DMD: variants seen among roughly 807,000 people sequenced by gnomAD.
DMD encodes dystrophin.
DMD carries 63 observed loss-of-function variants against 330.1 expected under a neutral mutation model. That is an observed-to-expected ratio of 0.19 (90% CI 0.16 to 0.24). DMD has a LOEUF of 0.24. Among genes scored for constraint, DMD ranks in the 10% least tolerant of loss-of-function variants. The probability of loss-of-function intolerance (pLI) is 1.00; values close to 1 mark genes in which losing one functional copy is unlikely to be tolerated. For missense variants in DMD, 3,344 were observed against 2,684.1 expected (o/e 1.25, Z -5.43); for synonymous variants, 1,223 against 959.8 (o/e 1.27, Z -5.07).
At chrX:31,187,743 GAGAGAGAGAGAGAGAGAGAGAGAGAGAGA>G in intron 67 of DMD, among the ~76,000 whole-genome samples, 1 of 29,329 alleles carries the variant, frequency 3.4e-5, no homozygotes, top group Admixed American at 3.1e-4. Context: ...GAGAGAGAGA[GAGAGAGAGAGAGAGAGAGAGAGAGAGAGA>G]GAGAGAGAGA....
intron 7 of DMD, among the ~76,000 whole-genome samples, chrX:32,783,929 T>C (rs146667164): frequency 0.01 from 1,102 of 107,180 alleles, 9 homozygotes; most frequent in East Asian, 0.052. Context: ...ACTTAAAAGA[T>C]AGATTTATTA....
intron 18 of DMD, among the ~76,000 whole-genome samples, chrX:32,508,368 A>T (rs2044857775): frequency 8.9e-6 from 1 of 111,771 alleles, no homozygotes; most frequent in Admixed American, 9.5e-5. Flanking sequence ...TGAGACAGTG[A>T]AGAGCCCAGA....
At chrX:32,885,779 A>C (rs2084467477) in intron 2 of DMD, among the ~76,000 whole-genome samples, 1 of 107,879 alleles carries the variant, frequency 9.3e-6, no homozygotes, top group Non-Finnish European at 1.9e-5. Context: ...ATATTTCAAT[A>C]AAATATTAAA....
At chrX:32,208,134 A>C (rs2097078517) in intron 44 of DMD, among the ~76,000 whole-genome samples, 1 of 111,787 alleles carries the variant, frequency 8.9e-6, no homozygotes, top group African/African-American at 3.3e-5. Context: ...ATTACCAAAA[A>C]AACTTTTAAT....
At chrX:32,673,693 A>T (rs1458195427) in intron 9 of DMD, among the ~76,000 whole-genome samples, 1 of 112,113 alleles carries the variant, frequency 8.9e-6, no homozygotes, top group Non-Finnish European at 1.9e-5. Context: ...TATCATGAAG[A>T]AGCAGCTTCT....
chrX:31,819,839 GCA>G lies in DMD; in HGVS notation c.7309+134_7309+135del, dbSNP rs200892628. On this transcript the variant is annotated intron_variant, in intron 50 of 78. Coordinates refer to ENST00000357033, the MANE Select transcript of DMD (RefSeq NM_004006.3). ...CAAGGAATGTACTCTAAGACTTTTT[GCA>G]CAGTCAATAACACAAAGGTTTATCT... 1,253 of 528,854 alleles carry G rather than the reference GCA, an allele frequency of 2.4e-3. 11 individuals carry two copies. In the African/African-American group the frequency reaches 0.026, roughly 11 times the overall value. The allele number at this position is 528,854 out of a possible 1,213,427, so 43.6% of individuals were successfully genotyped here. A position where few individuals can be genotyped will look rare whatever the true frequency, so the allele number is the denominator to read the frequency against.
chrX:33,201,974 A>C (rs2148830629), intron 1 of DMD, among the ~76,000 whole-genome samples: 1 of 112,452 alleles, frequency 8.9e-6, no homozygotes, highest in African/African-American at 3.2e-5. Context: ...AGATAGTAAT[A>C]AAATTGTGAA....
chrX:32,908,936 T>G (rs191742400), intron 2 of DMD, among the ~76,000 whole-genome samples: 3 of 111,380 alleles, frequency 2.7e-5, no homozygotes, highest in Admixed American at 1.9e-4. Context: ...GGTTGATATT[T>G]GCTACATAAG....
At chrX:31,991,547 A>T (rs1197909268) in intron 44 of DMD, among the ~76,000 whole-genome samples, 1 of 110,452 alleles carries the variant, frequency 9.1e-6, no homozygotes, top group Non-Finnish European at 1.9e-5. Context: ...CTGCGGTCAT[A>T]CGGAGATATC....
intron 17 of DMD, among the ~76,000 whole-genome samples, chrX:32,521,331 C>G (rs2046399147): frequency 8.9e-6 from 1 of 111,866 alleles, no homozygotes; most frequent in South Asian, 3.7e-4. Context: ...GTTGACCATA[C>G]TATCCGTTTG....
At chrX:32,643,282 T>A (rs2059585512) in intron 11 of DMD, among the ~76,000 whole-genome samples, 1 of 111,076 alleles carries the variant, frequency 9.0e-6, no homozygotes. Context: ...TTTCACACTA[T>A]AATTTAGTAC....
intron 47 of DMD, among the ~76,000 whole-genome samples, chrX:31,891,635 C>T (rs1197386313): frequency 8.9e-6 from 1 of 111,929 alleles, no homozygotes; most frequent in Non-Finnish European, 1.9e-5. Context: ...ACAGCCATGC[C>T]CATTCGTTTA....
intron 11 of DMD, among the ~76,000 whole-genome samples, chrX:32,636,485 T>A (rs1308830828): frequency 3.6e-5 from 4 of 112,270 alleles, no homozygotes; most frequent in Admixed American, 9.4e-5. Flanking sequence ...GTATTGTTTT[T>A]ATACTGAATT....
intron 17 of DMD, among the ~76,000 whole-genome samples, chrX:32,528,898 T>G (rs1463688838): frequency 3.7e-5 from 2 of 53,866 alleles, no homozygotes; most frequent in Non-Finnish European, 6.5e-5. Flanking sequence ...ACCAAACCAA[T>G]GTATTTCTTT....
rs758375173 is a variant in DMD, at chrX:32,583,341, C to CA, written c.1603-9496dup. Among the ~76,000 whole-genome samples the CA allele has an allele frequency of 2.6e-3, 290 of 110,450 alleles. 3 individuals are homozygous for CA. Among genetic ancestry groups the CA allele is most frequent in the East Asian group, 8.3e-3 (29 of 3,476 alleles). ...TGAAACCCTGTCTCTACTCAAAATA[C>CA]AAAAAAAATTAGCCAGGCATGATGG... On this transcript the variant is annotated intron_variant, in intron 13 of 78. Transcript: ENST00000357033.
chrX:31,329,885 C>T (rs992572952), intron 61 of DMD, among the ~76,000 whole-genome samples: 3 of 99,432 alleles, frequency 3.0e-5, no homozygotes, highest in Admixed American at 1.2e-4. Flanking sequence ...GCAGGAGAAT[C>T]GCTTGAACCT....
At chrX:32,687,442 C>A in intron 9 of DMD, among the ~76,000 whole-genome samples, 1 of 111,465 alleles carries the variant, frequency 9.0e-6, no homozygotes, top group Non-Finnish European at 1.9e-5. Flanking sequence ...TAGGATGGAC[C>A]CCTGACTATG....
intron 53 of DMD, among the ~76,000 whole-genome samples, chrX:31,666,080 T>TA (rs1050458933): frequency 9.0e-6 from 1 of 111,659 alleles, no homozygotes; most frequent in African/African-American, 3.3e-5. Context: ...TGAGAGGGTG[T>TA]AGAAATGGAT....
chrX:31,811,525 G>A (rs1403685379), intron 50 of DMD, among the ~76,000 whole-genome samples: 1 of 112,080 alleles, frequency 8.9e-6, no homozygotes, highest in Non-Finnish European at 1.9e-5. Context: ...CAAGAGTTAA[G>A]GAGTCTCTCC....
Sources: allele counts gnomAD v4.1 joint callset (sites outside exome capture counted in the v4.1 genomes callset), GRCh38; gene constraint gnomAD v4.1.1; transcripts MANE v1.5; gene names NCBI Gene and HGNC (gene_info 2026-07-23, HGNC 2026-07-21).